ANKRD44: variants seen among roughly 807,000 people sequenced by gnomAD.
ANKRD44 encodes serine/threonine-protein phosphatase 6 regulatory ankyrin repeat subunit B.
ANKRD44 carries 35 observed loss-of-function variants against 116.0 expected under a neutral mutation model. The observed-to-expected ratio is 0.30, with a 90% CI of 0.23 to 0.40. The LOEUF is 0.40. Ranked by LOEUF, ANKRD44 falls within the 10% of genes least tolerant of loss-of-function variation. ANKRD44 has a pLI of 1.00. For missense variants in ANKRD44, 1,014 were observed against 1,242.6 expected (o/e 0.82, Z 2.77); for synonymous variants, 435 against 461.8 (o/e 0.94, Z 0.74).
intron 16 of ANKRD44, among the ~76,000 whole-genome samples, chr2:197,059,911 C>T (rs1428682244): frequency 2.0e-5 from 3 of 152,198 alleles, no homozygotes; most frequent in Non-Finnish European, 4.4e-5. Context: ...ACTCTCCATC[C>T]TTCAATTCGT....
rs559700137 is a variant in ANKRD44, at chr2:197,223,108, C to G, written c.28-36002G>C. ...GATTAAAGGTGTGAGCCACCAGACCCAGCTGATTTCTTTTTTATTATTAAA... is the reference window on the plus strand; with the variant it reads ...GATTAAAGGTGTGAGCCACCAGACCGAGCTGATTTCTTTTTTATTATTAAA... On this transcript the variant is annotated intron_variant, in intron 1 of 27. Transcript: ENST00000282272. Among the ~76,000 whole-genome samples, 256 of 152,224 alleles carry G rather than the reference C, an allele frequency of 1.7e-3. 1 individual carries two copies. The highest frequency in any genetic ancestry group is 6.0e-3 in the African/African-American group (249 of 41,556).
chr2:197,195,610 A>G (rs983071616), intron 1 of ANKRD44, among the ~76,000 whole-genome samples: 1 of 152,182 alleles, frequency 6.6e-6, no homozygotes, highest in African/African-American at 2.4e-5. Context: ...CTCTTTATAT[A>G]TAGCCCAAAT....
intron 17 of ANKRD44, among the ~76,000 whole-genome samples, chr2:197,022,059 C>A (rs549997996): frequency 1.4e-4 from 21 of 152,270 alleles, no homozygotes; most frequent in African/African-American, 4.6e-4. Context: ...AATAGTAACT[C>A]AAGGCAGGTC....
At chr2:197,207,511 G>C (rs367602655) in intron 1 of ANKRD44, among the ~76,000 whole-genome samples, 1 of 152,312 alleles carries the variant, frequency 6.6e-6, no homozygotes, top group African/African-American at 2.4e-5. Flanking sequence ...AAGGCCAGCA[G>C]AGAAAAACAT....
At chr2:197,199,642 A>G (rs2081048330) in intron 1 of ANKRD44, among the ~76,000 whole-genome samples, 1 of 152,036 alleles carries the variant, frequency 6.6e-6, no homozygotes, top group African/African-American at 2.4e-5. Context: ...GTCTTGCTAT[A>G]TTGTCCAGGG....
At chr2:197,027,442 T>C (rs565222704) in intron 16 of ANKRD44, among the ~76,000 whole-genome samples, 1 of 152,076 alleles carries the variant, frequency 6.6e-6, no homozygotes, top group South Asian at 2.1e-4. Flanking sequence ...TAAGATTGGA[T>C]GAGATGAACA....
Position 196,989,523 on chromosome 2 carries a change from C to CATATAT in ANKRD44, c.*62_*67dup. On this transcript the variant is annotated 3_prime_UTR_variant, in exon 28 of 28. Coordinates refer to ENST00000282272, the MANE Select transcript of ANKRD44 (RefSeq NM_001195144.2). ...GGCTGATGAACTACACACACACACA[C>CATATAT]ATATATATATATATACACACGCACA... 1 of 1,327,736 alleles carries CATATAT rather than the reference C, an allele frequency of 7.5e-7. No individual in the cohort carries two copies. The allele number at this position is 1,327,736 out of a possible 1,614,324, so 82.2% of individuals were successfully genotyped here.
intron 1 of ANKRD44, among the ~76,000 whole-genome samples, chr2:197,242,774 T>C (rs2082116732): frequency 6.6e-6 from 1 of 152,184 alleles, no homozygotes; most frequent in South Asian, 2.1e-4. Flanking sequence ...ATGCTTTTAT[T>C]TACCTGGGCC....
chr2:196,995,529 C>A, intron 25 of ANKRD44, 68 bp from the exon 26 acceptor site: 1 of 1,158,904 alleles, frequency 8.6e-7, no homozygotes, highest in Non-Finnish European at 1.3e-6. Flanking sequence ...GAAATTTCTT[C>A]ATTATGATTT....
chr2:197,128,311 T>C (rs1048747265), intron 4 of ANKRD44, among the ~76,000 whole-genome samples: 7 of 152,192 alleles, frequency 4.6e-5, no homozygotes, highest in African/African-American at 1.7e-4. Context: ...CTCTTGTTTC[T>C]TGACATTCTA....
At chr2:197,020,271 A>G (rs2076472158) in intron 17 of ANKRD44, among the ~76,000 whole-genome samples, 3 of 152,204 alleles carry the variant, frequency 2.0e-5, no homozygotes, top group Admixed American at 6.5e-5. Context: ...AAAGAGACCT[A>G]ATACTAAAAT....
rs1435571145 is a variant in ANKRD44, at chr2:197,189,429, T to G, written c.28-2323A>C. ...TTACTGCTAGTTCAGTCTTAGCTAC[T>G]TACTCTGCTTAAAGACAGGCAGATC... is the stretch of plus-strand genomic sequence containing the variant. On this transcript the variant is annotated intron_variant, in intron 1 of 27. Transcript: ENST00000282272. 2.6e-5 allele frequency among the ~76,000 whole-genome samples: 4 copies of G among 152,248 alleles called. No homozygotes were observed. In the East Asian group the frequency reaches 7.7e-4, roughly 29 times the overall value.
chr2:197,177,986 C>G (rs2080407979), intron 2 of ANKRD44, among the ~76,000 whole-genome samples: 1 of 152,034 alleles, frequency 6.6e-6, no homozygotes, highest in African/African-American at 2.4e-5. Flanking sequence ...TATTATAAAC[C>G]AGATAGCAAC....
At position 197,008,966 on chromosome 2, in the gene ANKRD44, C is replaced by G; in HGVS notation, c.1990G>C (p.Asp664His). The G allele has an allele frequency of 2.5e-6, 4 of 1,614,116 alleles. No individual in the cohort carries two copies. Among genetic ancestry groups the G allele is most frequent in the Non-Finnish European group, 3.4e-6 (4 of 1,179,966 alleles). The change falls in exon 19 of 28, where the codon GAT (aspartate) becomes CAT (histidine). Residue 664 changes from aspartate (D) to histidine (H), a missense_variant. Asp to His is a moderately conservative substitution (Grantham distance 81). Coordinates refer to ENST00000282272, the MANE Select transcript of ANKRD44 (RefSeq NM_001195144.2). Reference protein sequence around the residue: ...LEIADNPEAVDVKDAKGQTPL... With the variant: ...LEIADNPEAVHVKDAKGQTPL... Reference sequence around the variant, plus strand: ...TACTGTCCTTTGGCATCTTTCACATCGACCGCCTCCGGGTTGTCTGCAATT... The same window carrying G: ...TACTGTCCTTTGGCATCTTTCACATGGACCGCCTCCGGGTTGTCTGCAATT...
At position 197,125,833 on chromosome 2, in the gene ANKRD44, C is replaced by A. The variant is rs371027944; in HGVS notation, c.462+4G>T. The A allele has an allele frequency of 1.1e-5, 18 of 1,613,252 alleles. No individual in the cohort carries two copies. Among genetic ancestry groups the A allele is most frequent in the Non-Finnish European group, 1.7e-6 (2 of 1,179,990 alleles). ...TTCCAATTCTGAATGATAAAAATAC[C>A]CACCTCCACGTGGCCGTTCAGAGCC... is the stretch of plus-strand genomic sequence containing the variant. On this transcript the variant is annotated splice_donor_region_variant and intron_variant, in intron 5 of 27. Transcript: ENST00000282272.
chr2:197,251,240 A>T (rs1213600566), intron 1 of ANKRD44, among the ~76,000 whole-genome samples: 2 of 152,226 alleles, frequency 1.3e-5, no homozygotes, highest in Non-Finnish European at 2.9e-5. Context: ...GTTTCTGAGT[A>T]GCTTAAAAAC....
Position 197,200,787 on chromosome 2 carries a change from AG to A in ANKRD44, c.28-13682del, listed in dbSNP as rs2081076009. 5.3e-5 allele frequency among the ~76,000 whole-genome samples: 8 copies of A among 152,346 alleles called. No homozygotes were observed. The South Asian group carries it at 1.7e-3, about 32-fold the overall frequency. On this transcript the variant is annotated intron_variant, in intron 1 of 27. Transcript: ENST00000282272. The stretch of plus-strand genomic sequence containing the variant: ...AGTGACTGGAATTTAGCAACCAAAA[AG>A]ACCTCAGTTCTTTTGATAATCAAAA...
At position 197,099,882 on chromosome 2, in the gene ANKRD44, A is replaced by C. The variant is rs749410203; in HGVS notation, c.1034T>G (p.Val345Gly). 1.2e-6 allele frequency: 2 copies of C among 1,614,184 alleles called. No individual in the cohort carries two copies. The highest frequency in any genetic ancestry group is 8.5e-7 in the Non-Finnish European group (1 of 1,180,028). Residue 345 changes from valine (V) to glycine (G), a missense_variant, in exon 10 of 28, where the codon GTG becomes GGG. Coordinates refer to ENST00000282272, the MANE Select transcript of ANKRD44 (RefSeq NM_001195144.2). ...VDKDGNTPLHVAARYGHELLI... is the reference protein window; with the variant it reads ...VDKDGNTPLHGAARYGHELLI... Reference sequence around the variant, plus strand: ...AAGCTCATGACCGTATCTTGCAGCCACATGGAGAGGAGTGTTGCCGTCCTT... The same window carrying C: ...AAGCTCATGACCGTATCTTGCAGCCCCATGGAGAGGAGTGTTGCCGTCCTT...
chr2:197,151,377 G>A (rs972718414), intron 2 of ANKRD44, among the ~76,000 whole-genome samples: 3 of 152,172 alleles, frequency 2.0e-5, no homozygotes, highest in Non-Finnish European at 4.4e-5. Flanking sequence ...GGAGAACAGG[G>A]ATGACATTTA....
Sources: gnomAD v4.1 joint callset for allele counts (sites outside exome capture counted in the v4.1 genomes callset) on GRCh38, gnomAD v4.1.1 for gene constraint, MANE v1.5 for transcripts, NCBI Gene and HGNC (gene_info 2026-07-23, HGNC 2026-07-21) for gene names.